The following MYO1B variants were observed in gnomAD, a reference collection of about 807,000 sequenced individuals.
MYO1B encodes the protein myosin IB.
In MYO1B, 72 loss-of-function variants were observed where a neutral mutation model predicts 159.7. The ratio of observed to expected loss-of-function variants is 0.45; its 90% CI spans 0.37 to 0.55. The LOEUF is 0.55. Among genes scored for constraint, MYO1B ranks in the 20% least tolerant of loss-of-function variants. The pLI is 0.00. For synonymous variants in MYO1B, 468 were observed against 473.8 expected (o/e 0.99, Z 0.16); for missense variants, 1,062 against 1,364.8 (o/e 0.78, Z 3.50).
At chr2:191,366,747 A>AC (rs1185564634) in intron 11 of MYO1B, among the ~76,000 whole-genome samples, 2 of 151,198 alleles carry the variant, frequency 1.3e-5, no homozygotes, top group African/African-American at 2.4e-5. Flanking sequence ...CCTGCCTATC[A>AC]CCCCCCATGT....
intron 3 of MYO1B, among the ~76,000 whole-genome samples, chr2:191,329,162 A>G (rs1390289931): frequency 6.6e-6 from 1 of 152,152 alleles, no homozygotes; most frequent in Non-Finnish European, 1.5e-5. Context: ...GGCAAAATTT[A>G]CTTTAGTAAA....
chr2:191,335,195 A>G (rs1439068459), intron 4 of MYO1B, among the ~76,000 whole-genome samples: 2 of 152,136 alleles, frequency 1.3e-5, no homozygotes, highest in Non-Finnish European at 2.9e-5. Context: ...CCACTTAGCT[A>G]CATGCTTGGT....
chr2:191,364,073 TAGAA>T (rs1693845360), intron 10 of MYO1B, 81 bp from the exon 11 acceptor site: 3 of 1,294,820 alleles, frequency 2.3e-6, no homozygotes, highest in Admixed American at 1.7e-5. Flanking sequence ...GATTATGATT[TAGAA>T]AGAACATCCT....
chr2:191,309,838 C>A (rs1689885460), intron 3 of MYO1B, among the ~76,000 whole-genome samples: 1 of 152,198 alleles, frequency 6.6e-6, no homozygotes, highest in African/African-American at 2.4e-5. Context: ...GCCATGGGCT[C>A]ATTTTTTGTT....
intron 4 of MYO1B, among the ~76,000 whole-genome samples, chr2:191,340,650 A>G (rs980796060): frequency 6.6e-6 from 1 of 151,968 alleles, no homozygotes; most frequent in Non-Finnish European, 1.5e-5. Context: ...AAATCCTTAC[A>G]TTGGCTGCTT....
intron 2 of MYO1B, among the ~76,000 whole-genome samples, chr2:191,286,473 G>A (rs1002848390): frequency 6.6e-6 from 1 of 152,204 alleles, no homozygotes; most frequent in Non-Finnish European, 1.5e-5. Flanking sequence ...GACCCAGGAA[G>A]GAAGTAGATT....
At chr2:191,320,389 T>C (rs540071605) in intron 3 of MYO1B, among the ~76,000 whole-genome samples, 1 of 152,294 alleles carries the variant, frequency 6.6e-6, no homozygotes, top group East Asian at 1.9e-4. Flanking sequence ...TACAGTATCA[T>C]GATATGAATT....
chr2:191,323,681 C>T (rs1290634006), intron 3 of MYO1B, among the ~76,000 whole-genome samples: 3 of 152,082 alleles, frequency 2.0e-5, no homozygotes, highest in Admixed American at 2.0e-4. Flanking sequence ...GCATATTCAT[C>T]ATATCTTATT....
chr2:191,331,487 A>G (rs761909426), intron 4 of MYO1B, among the ~76,000 whole-genome samples: 5 of 152,174 alleles, frequency 3.3e-5, no homozygotes, highest in Non-Finnish European at 7.4e-5. Flanking sequence ...GAACTTTACC[A>G]TATTTGTCTT....
rs117001898 is a variant in MYO1B, at chr2:191,248,261, T to C, written c.-10+2635T>C. The stretch of plus-strand genomic sequence containing the variant: ...CAACTTGATAAAGTGGGTGTTATCT[T>C]CATTTTCCAGTGGAAACTGAGGCCT... On this transcript the variant is annotated intron_variant, in intron 1 of 30. Transcript: ENST00000392318. 6.2e-4 allele frequency among the ~76,000 whole-genome samples: 94 copies of C among 152,376 alleles called. 1 individual carries two copies. The East Asian group carries it at 0.011, about 17-fold the overall frequency.
Position 191,409,046 on chromosome 2 carries a change from G to A in MYO1B, c.2634G>A (p.Val878=). The A allele has an allele frequency of 6.2e-7, 1 of 1,608,878 alleles. No individual in the cohort carries two copies. The highest frequency in any genetic ancestry group is 8.5e-7 in the Non-Finnish European group (1 of 1,178,724). ...KIYEFTLQRI[V]QKYFLEMKNK... ...TATTTTCTGTCAACCCAACACAGGT[G>A]CAAAAATACTTCTTGGAAATGAAAA... is the stretch of plus-strand genomic sequence containing the variant. Residue 878 remains valine, a splice_region_variant and synonymous_variant, in exon 26 of 31, where the codon GTG becomes GTA. Transcript: ENST00000392318.
At chr2:191,351,900 A>G (rs1032065534) in intron 7 of MYO1B, among the ~76,000 whole-genome samples, 1 of 152,124 alleles carries the variant, frequency 6.6e-6, no homozygotes, top group Admixed American at 6.5e-5. Context: ...TAAATAAATA[A>G]ATAAATAAGT....
At chr2:191,253,251 A>G (rs914643360) in intron 1 of MYO1B, among the ~76,000 whole-genome samples, 2 of 152,166 alleles carry the variant, frequency 1.3e-5, no homozygotes, top group African/African-American at 4.8e-5. Context: ...CACTTGTCCC[A>G]ACTTATGTCA....
intron 5 of MYO1B, among the ~76,000 whole-genome samples, chr2:191,342,917 A>G (rs1692314133): frequency 6.6e-6 from 1 of 152,018 alleles, no homozygotes; most frequent in African/African-American, 2.4e-5. Context: ...AAAAAAAAAA[A>G]TGCTTTATAT....
At chr2:191,260,281 A>G (rs1164296586) in intron 1 of MYO1B, among the ~76,000 whole-genome samples, 1 of 37,998 alleles carries the variant, frequency 2.6e-5, no homozygotes, top group African/African-American at 4.1e-5. Flanking sequence ...TTAAAGCTAT[A>G]TAGAAGTTAA....
At chr2:191,372,601 A>G (rs1694429611) in intron 13 of MYO1B, among the ~76,000 whole-genome samples, 1 of 152,224 alleles carries the variant, frequency 6.6e-6, no homozygotes, top group African/African-American at 2.4e-5. Flanking sequence ...AGGAAAGTCT[A>G]ATCAGGAAAC....
chr2:191,248,065 T>C (rs1685893473), intron 1 of MYO1B: 1 of 978,542 alleles, frequency 1.0e-6, no homozygotes, highest in African/African-American at 1.8e-5. Context: ...TCCATGTTTT[T>C]AGCATTTGTC....
chr2:191,299,531 A>T (rs1305646612), intron 3 of MYO1B, among the ~76,000 whole-genome samples: 4 of 152,142 alleles, frequency 2.6e-5, no homozygotes, highest in African/African-American at 9.7e-5. Context: ...CTTCCTTCAG[A>T]CCTCAAATTG....
At chr2:191,285,780 A>G (rs758886373) in intron 2 of MYO1B, among the ~76,000 whole-genome samples, 14 of 152,186 alleles carry the variant, frequency 9.2e-5, no homozygotes, top group African/African-American at 1.2e-4. Flanking sequence ...GGCGAGGCTC[A>G]TTGATACCAG....
Sources: gnomAD v4.1 joint callset for allele counts (sites outside exome capture counted in the v4.1 genomes callset) on GRCh38, gnomAD v4.1.1 for gene constraint, MANE v1.5 for transcripts, NCBI Gene and HGNC (gene_info 2026-07-23, HGNC 2026-07-21) for gene names.